Variants in KCNS3 observed in about 807,000 individuals in gnomAD.
The protein encoded by KCNS3 is delayed-rectifier potassium channel regulatory subunit KCNS3.
KCNS3 carries 13 observed loss-of-function variants against 31.0 expected under a neutral mutation model. The observed-to-expected ratio is 0.42, with a 90% CI of 0.27 to 0.67. KCNS3 has a LOEUF of 0.67. Among genes scored for constraint, KCNS3 ranks in the 30% least tolerant of loss-of-function variants. The pLI, the probability that KCNS3 is intolerant of heterozygous loss-of-function variation, is 0.25. For synonymous variants in KCNS3, 238 were observed against 241.5 expected (o/e 0.99, Z 0.13); for missense variants, 545 against 622.4 (o/e 0.88, Z 1.32).
intron 2 of KCNS3, among the ~76,000 whole-genome samples, chr2:17,921,825 C>T (rs974550260): frequency 4.7e-5 from 7 of 149,898 alleles, no homozygotes; most frequent in Admixed American, 2.7e-4. Context: ...TTGGGGATTA[C>T]AATTTGACGT....
At chr2:17,915,486 A>G (rs1424021221) in intron 1 of KCNS3, among the ~76,000 whole-genome samples, 1 of 152,130 alleles carries the variant, frequency 6.6e-6, no homozygotes, top group Admixed American at 6.5e-5. Context: ...TTCCCCAACA[A>G]CTAAGAGGGA....
At chr2:17,899,072 A>C (rs1302839242) in intron 1 of KCNS3, among the ~76,000 whole-genome samples, 1 of 152,110 alleles carries the variant, frequency 6.6e-6, no homozygotes, top group Non-Finnish European at 1.5e-5. Context: ...CTAAAAATAC[A>C]AGAATTAGCT....
At chr2:17,924,843 G>A (rs1213215158) in intron 2 of KCNS3, among the ~76,000 whole-genome samples, 3 of 152,100 alleles carry the variant, frequency 2.0e-5, no homozygotes, top group African/African-American at 7.2e-5. Context: ...TTGGTATTAG[G>A]AGAATACTAG....
intron 1 of KCNS3, among the ~76,000 whole-genome samples, chr2:17,882,861 T>C (rs562503090): frequency 6.6e-6 from 1 of 152,246 alleles, no homozygotes; most frequent in Non-Finnish European, 1.5e-5. Context: ...ATCTGCACAT[T>C]ATACTTTTTT....
intron 1 of KCNS3, among the ~76,000 whole-genome samples, chr2:17,910,269 A>G (rs982660765): frequency 7.2e-5 from 11 of 152,248 alleles, no homozygotes; most frequent in African/African-American, 2.7e-4. Flanking sequence ...TAACTCTGAT[A>G]GGATATGAAG....
intron 1 of KCNS3, among the ~76,000 whole-genome samples, chr2:17,880,475 A>G (rs2125228847): frequency 6.6e-6 from 1 of 152,346 alleles, no homozygotes; most frequent in East Asian, 1.9e-4. Flanking sequence ...TTTCTGAACT[A>G]GGAATTGTCA....
chr2:17,883,389 G>C (rs1278488105), intron 1 of KCNS3, among the ~76,000 whole-genome samples: 2 of 151,784 alleles, frequency 1.3e-5, no homozygotes, highest in Non-Finnish European at 2.9e-5. Context: ...AGGAAACGGT[G>C]GGGGGTTGGG....
chr2:17,930,874 G>A (rs1662943574), intron 2 of KCNS3, 76 bp from the exon 3 acceptor site: 1 of 936,828 alleles, frequency 1.1e-6, no homozygotes. Flanking sequence ...CCATCCTCCT[G>A]GAAAGGGCAG....
intron 1 of KCNS3, among the ~76,000 whole-genome samples, chr2:17,903,966 T>C (rs984858315): frequency 5.3e-5 from 8 of 152,316 alleles, no homozygotes; most frequent in African/African-American, 1.9e-4. Context: ...CCTTTGGGTA[T>C]ATACCCAGTA....
chr2:17,910,380 G>A (rs575449954), intron 1 of KCNS3, among the ~76,000 whole-genome samples: 1 of 152,268 alleles, frequency 6.6e-6, no homozygotes, highest in Admixed American at 6.5e-5. Context: ...TAAAATTTTA[G>A]TTAGAGATTG....
At chr2:17,879,209 C>G (rs910603308) in intron 1 of KCNS3, among the ~76,000 whole-genome samples, 1 of 152,250 alleles carries the variant, frequency 6.6e-6, no homozygotes, top group South Asian at 2.1e-4. Flanking sequence ...CGGCACCTCG[C>G]GTAGGGGCAT....
intron 2 of KCNS3, among the ~76,000 whole-genome samples, chr2:17,925,288 T>C (rs548046317): frequency 3.3e-5 from 5 of 152,340 alleles, no homozygotes; most frequent in Admixed American, 6.5e-5. Flanking sequence ...TTAGGACTGA[T>C]AGTGCAGTCT....
At chr2:17,916,775 C>T (rs1220146679) in intron 1 of KCNS3, among the ~76,000 whole-genome samples, 2 of 151,666 alleles carry the variant, frequency 1.3e-5, no homozygotes, top group African/African-American at 4.8e-5. Context: ...TAATGCCCAG[C>T]AGATCATAAA....
In KCNS3 at chr2:17,888,310, G is replaced by C. The variant is rs1431198933; in HGVS notation, c.-252+9504G>C. ...GTTATCTTCTAGAATTTTTGTTATT[G>C]TTCCAATGCTATCTTCTAGAATTTT... On this transcript the variant is annotated intron_variant, in intron 1 of 2. Transcript: ENST00000304101. Among the ~76,000 whole-genome samples the C allele has an allele frequency of 4.0e-5, 6 of 151,864 alleles. No individual in the cohort carries two copies. The East Asian group carries it at 1.2e-3, about 29-fold the overall frequency.
intron 1 of KCNS3, among the ~76,000 whole-genome samples, chr2:17,892,752 T>TG (rs1410989193): frequency 1.3e-5 from 2 of 152,194 alleles, no homozygotes; most frequent in African/African-American, 4.8e-5. Context: ...GGGCTGGTCC[T>TG]GGGGGTTGCC....
chr2:17,907,437 T>C (rs1052768722), intron 1 of KCNS3, among the ~76,000 whole-genome samples: 1 of 152,232 alleles, frequency 6.6e-6, no homozygotes, highest in African/African-American at 2.4e-5. Context: ...TGTCTTTTAA[T>C]TGGAACATTT....
intron 1 of KCNS3, among the ~76,000 whole-genome samples, chr2:17,914,835 C>G (rs999843383): frequency 6.6e-6 from 1 of 152,158 alleles, no homozygotes; most frequent in Non-Finnish European, 1.5e-5. Flanking sequence ...TGCACTGTCA[C>G]TTGGAGTGTC....
chr2:17,900,594 A>G (rs974202594), intron 1 of KCNS3, among the ~76,000 whole-genome samples: 8 of 151,864 alleles, frequency 5.3e-5, no homozygotes, highest in African/African-American at 1.9e-4. Flanking sequence ...GGTTCAAGCA[A>G]TTTTCCTGCC....
chr2:17,922,152 A>G (rs528426222), intron 2 of KCNS3, among the ~76,000 whole-genome samples: 1 of 151,262 alleles, frequency 6.6e-6, no homozygotes, highest in Non-Finnish European at 1.5e-5. Flanking sequence ...TATTTTGTTC[A>G]GTAAAATCTA....
Sources: gnomAD v4.1 joint callset for allele counts (sites outside exome capture counted in the v4.1 genomes callset) on GRCh38, gnomAD v4.1.1 for gene constraint, MANE v1.5 for transcripts, NCBI Gene and HGNC (gene_info 2026-07-23, HGNC 2026-07-21) for gene names.